R3HCC1L: variants seen among roughly 807,000 people sequenced by gnomAD.
The protein encoded by R3HCC1L is coiled-coil domain-containing protein R3HCC1L.
In R3HCC1L, 51 loss-of-function variants were observed where a neutral mutation model predicts 59.9. The ratio of observed to expected loss-of-function variants is 0.85; its 90% CI spans 0.68 to 1.07. The LOEUF is 1.07. R3HCC1L is among the 50% of genes least tolerant of loss of function. The probability of loss-of-function intolerance (pLI) is 0.00; values close to 1 mark genes in which losing one functional copy is unlikely to be tolerated. For synonymous variants in R3HCC1L, 322 were observed against 315.2 expected (o/e 1.02, Z -0.23); for missense variants, 965 against 933.0 (o/e 1.03, Z -0.45).
chr10:98,156,606 G>A (rs186530598), intron 2 of R3HCC1L, among the ~76,000 whole-genome samples: 186 of 152,324 alleles, frequency 1.2e-3, no homozygotes, highest in Middle Eastern at 6.8e-3. Flanking sequence ...TTGGGGGAGT[G>A]TGGTGCTCAG....
chr10:98,214,792 A>T (rs2135366947), intron 5 of R3HCC1L, among the ~76,000 whole-genome samples: 1 of 152,350 alleles, frequency 6.6e-6, no homozygotes, highest in East Asian at 1.9e-4. Context: ...TCTTAGAGAT[A>T]GAACTGCACA....
intron 4 of R3HCC1L, among the ~76,000 whole-genome samples, chr10:98,177,280 G>A (rs935008924): frequency 3.3e-5 from 5 of 152,082 alleles, no homozygotes; most frequent in African/African-American, 4.8e-5. Context: ...AACATAAGGT[G>A]TTTGGTTTTC....
At position 98,244,654 on chromosome 10, in the gene R3HCC1L, C is replaced by G. The variant is rs1230518141; in HGVS notation, c.*496C>G. On this transcript the variant is annotated 3_prime_UTR_variant, in exon 10 of 10. Transcript: ENST00000298999. ...AACAGTGTCTGGTTTACTTGGCATACACAGAATCTGCACTGCCGGTTCCAG... is the reference window on the plus strand; with the variant it reads ...AACAGTGTCTGGTTTACTTGGCATAGACAGAATCTGCACTGCCGGTTCCAG... The G allele has an allele frequency of 6.5e-6, 1 of 153,782 alleles. No individual in the cohort carries two copies. Among genetic ancestry groups the G allele is most frequent in the Non-Finnish European group, 1.5e-5 (1 of 68,924 alleles). 9.5% of individuals were successfully genotyped at this position (153,782 alleles called of 1,614,324 possible).
chr10:98,217,212 G>A (rs889419760), intron 5 of R3HCC1L, among the ~76,000 whole-genome samples: 9 of 152,116 alleles, frequency 5.9e-5, no homozygotes, highest in African/African-American at 1.9e-4. Context: ...GTAAGAGATA[G>A]GAATCTAGCT....
chr10:98,231,853 A>G (rs1303206898), intron 6 of R3HCC1L, among the ~76,000 whole-genome samples, 166 bp downstream of exon 6: 2 of 152,146 alleles, frequency 1.3e-5, no homozygotes, highest in Non-Finnish European at 2.9e-5. Context: ...ATATTAAACT[A>G]CTGTTCTAAG....
intron 9 of R3HCC1L, among the ~76,000 whole-genome samples, chr10:98,243,343 G>A (rs1441171933): frequency 6.6e-6 from 1 of 152,184 alleles, no homozygotes; most frequent in Non-Finnish European, 1.5e-5. Context: ...GACTAGCCAT[G>A]CAATTGGAAC....
At position 98,234,497 on chromosome 10, in the gene R3HCC1L, A is replaced by G. The variant is rs1856707087; in HGVS notation, c.2013A>G (p.Val671=). 2 of 1,613,270 alleles carry G rather than the reference A, an allele frequency of 1.2e-6. No individual in the cohort carries two copies. Among genetic ancestry groups the G allele is most frequent in the African/African-American group, 1.3e-5 (1 of 75,008 alleles). ...TGGATGATACACATGCCCTAGGAGTATTCTCCAGTCCAATTACAGGTATTC... is the reference window on the plus strand; with the variant it reads ...TGGATGATACACATGCCCTAGGAGTGTTCTCCAGTCCAATTACAGGTATTC... ...KWVDDTHALG[V]FSSPITARDA... The change falls in exon 7 of 10, where the codon GTA becomes GTG. Residue 671 remains valine, a synonymous_variant. Transcript: ENST00000298999.
chr10:98,152,163 C>A lies in R3HCC1L; in HGVS notation c.-267-3930C>A, dbSNP rs563448651. The stretch of plus-strand genomic sequence containing the variant: ...GGAGACGGGGTTTCGCTGTGTTGGC[C>A]GGGCTGGTCTCCAGCTCCTAACCGC... On this transcript the variant is annotated intron_variant, in intron 1 of 9. Coordinates refer to ENST00000298999, the MANE Select transcript of R3HCC1L (RefSeq NM_001351015.2). Among the ~76,000 whole-genome samples, 3 of 152,342 alleles carry A rather than the reference C, an allele frequency of 2.0e-5. No individual in the cohort carries two copies. The East Asian group carries it at 5.8e-4, about 29-fold the overall frequency.
intron 4 of R3HCC1L, among the ~76,000 whole-genome samples, chr10:98,185,273 G>T (rs1407183502): frequency 6.6e-6 from 1 of 152,162 alleles, no homozygotes; most frequent in Non-Finnish European, 1.5e-5. Flanking sequence ...CCTGTGCTCA[G>T]TGTTGGGGGA....
At chr10:98,195,412 C>T (rs1233785785) in intron 4 of R3HCC1L, among the ~76,000 whole-genome samples, 1 of 150,140 alleles carries the variant, frequency 6.7e-6, no homozygotes, top group Non-Finnish European at 1.5e-5. Context: ...CTGTGCTATA[C>T]ACTTGAGAAT....
At chr10:98,152,071 G>C (rs1251249513) in intron 1 of R3HCC1L, among the ~76,000 whole-genome samples, 1 of 152,174 alleles carries the variant, frequency 6.6e-6, no homozygotes, top group Admixed American at 6.5e-5. Flanking sequence ...TCCTGCCTCA[G>C]CCTGCCGAGT....
chr10:98,236,982 A>C (rs558793184), intron 9 of R3HCC1L, among the ~76,000 whole-genome samples: 1 of 152,304 alleles, frequency 6.6e-6, no homozygotes, highest in East Asian at 1.9e-4. Context: ...CCATTAAACG[A>C]ATTGAAGTTT....
At chr10:98,199,945 C>G (rs1851858521) in intron 4 of R3HCC1L, among the ~76,000 whole-genome samples, 1 of 151,604 alleles carries the variant, frequency 6.6e-6, no homozygotes, top group Non-Finnish European at 1.5e-5. Context: ...TTTCATTTAT[C>G]TAGCATTTGT....
At chr10:98,200,630 C>T (rs1181542777) in intron 4 of R3HCC1L, among the ~76,000 whole-genome samples, 1 of 152,046 alleles carries the variant, frequency 6.6e-6, no homozygotes, top group East Asian at 1.9e-4. Flanking sequence ...ATAAAATAGA[C>T]TTCCGTCGGC....
intron 9 of R3HCC1L, 139 bp downstream of exon 9, chr10:98,236,303 C>T (rs1856953091): frequency 1.8e-6 from 2 of 1,112,250 alleles, no homozygotes; most frequent in African/African-American, 1.6e-5. Context: ...TAGAAATTTT[C>T]ATGCCTTACG....
At chr10:98,242,058 T>C (rs1352997544) in intron 9 of R3HCC1L, among the ~76,000 whole-genome samples, 1 of 152,160 alleles carries the variant, frequency 6.6e-6, no homozygotes, top group Non-Finnish European at 1.5e-5. Flanking sequence ...TTAGGAAATG[T>C]TTCAGGCCGG....
chr10:98,181,742 T>C (rs1000528600), intron 4 of R3HCC1L, among the ~76,000 whole-genome samples: 1 of 152,018 alleles, frequency 6.6e-6, no homozygotes, highest in Non-Finnish European at 1.5e-5. Context: ...TCTAAACTTC[T>C]CTCTTCATTT....
chr10:98,229,589 T>C (rs1218614178), intron 5 of R3HCC1L, among the ~76,000 whole-genome samples: 1 of 152,228 alleles, frequency 6.6e-6, no homozygotes, highest in Non-Finnish European at 1.5e-5. Flanking sequence ...TCCTGCCTGA[T>C]TGCCCTAGCC....
Position 98,244,023 on chromosome 10 carries a change from T to A in R3HCC1L, c.2270-68T>A, listed in dbSNP as rs1179111646. 4 of 1,434,870 alleles carry A rather than the reference T, an allele frequency of 2.8e-6. No homozygotes were observed. In the East Asian group the frequency reaches 9.1e-5, roughly 33 times the overall value. The allele number at this position is 1,434,870 out of a possible 1,614,324, so 88.9% of individuals were successfully genotyped here. A position where few individuals can be genotyped will look rare whatever the true frequency, so the allele number is the denominator to read the frequency against. On this transcript the variant is annotated intron_variant, in intron 9 of 9. Transcript: ENST00000298999. ...TCATGACTAAAGTTTGCCTTGTAAT[T>A]TGGATTAAGGGAAAGTCATTGGTTA...
Sources: allele counts gnomAD v4.1 joint callset (sites outside exome capture counted in the v4.1 genomes callset), GRCh38; gene constraint gnomAD v4.1.1; transcripts MANE v1.5; gene names NCBI Gene and HGNC (gene_info 2026-07-23, HGNC 2026-07-21).